The following LPGAT1 variants were observed in gnomAD, a reference collection of about 807,000 sequenced individuals.
LPGAT1 encodes acyl-CoA:lysophosphatidylglycerol acyltransferase 1.
LPGAT1 carries 11 observed loss-of-function variants against 47.5 expected under a neutral mutation model. The observed-to-expected ratio is 0.23, with a 90% confidence interval of 0.15 to 0.38. LPGAT1 has a LOEUF of 0.38. LPGAT1 is among the 10% of genes least tolerant of loss of function. The pLI, the probability that LPGAT1 is intolerant of heterozygous loss-of-function variation, is 1.00. For synonymous variants in LPGAT1, 138 were observed against 144.2 expected (o/e 0.96, Z 0.31); for missense variants, 293 against 439.0 (o/e 0.67, Z 2.97).
At chr1:211,775,474 C>T (rs768497639) in intron 6 of LPGAT1, among the ~76,000 whole-genome samples, 17 of 152,120 alleles carry the variant, frequency 1.1e-4, no homozygotes, top group Non-Finnish European at 2.4e-4. Flanking sequence ...TCAGCAGACA[C>T]CAAGATGTAC....
rs1431001118 is a variant in LPGAT1, at chr1:211,830,353, G to C, written c.-28+220C>G. ...TGCCTGCGGACAGAGGGACGGCGGG[G>C]ACTCAGAGGCCGGACCTGTCACCCG... is the stretch of plus-strand genomic sequence containing the variant. On this transcript the variant is annotated intron_variant, in intron 1 of 7. Coordinates refer to ENST00000366997, the MANE Select transcript of LPGAT1 (RefSeq NM_014873.3). The surrounding 1 kb of genome is among the most constrained non-coding windows in gnomAD (Gnocchi z 5.9). 1.9e-5 allele frequency: 22 copies of C among 1,152,420 alleles called. No homozygotes were observed. Among genetic ancestry groups the C allele is most frequent in the Non-Finnish European group, 2.3e-5 (22 of 937,288 alleles). The allele number at this position is 1,152,420 out of a possible 1,614,324, so 71.4% of individuals were successfully genotyped here.
chr1:211,778,773 A>G, intron 6 of LPGAT1, 145 bp downstream of exon 6: 1 of 575,632 alleles, frequency 1.7e-6, no homozygotes, highest in Non-Finnish European at 2.8e-6. Context: ...ACTTCAAATG[A>G]TATTTTAATA....
chr1:211,819,814 G>A (rs934057753), intron 2 of LPGAT1, among the ~76,000 whole-genome samples: 4 of 151,994 alleles, frequency 2.6e-5, no homozygotes, highest in African/African-American at 7.3e-5. Context: ...GTGAAACCCC[G>A]ACTCTACTAA....
At chr1:211,782,152 C>T (rs533033979) in intron 5 of LPGAT1, among the ~76,000 whole-genome samples, 1 of 152,228 alleles carries the variant, frequency 6.6e-6, no homozygotes, top group South Asian at 2.1e-4. Flanking sequence ...AGAGCACAAA[C>T]GTTTTTCCAA....
At chr1:211,809,007 C>T (rs1659864977) in intron 2 of LPGAT1, among the ~76,000 whole-genome samples, 4 of 151,192 alleles carry the variant, frequency 2.6e-5, no homozygotes, top group Admixed American at 2.6e-4. Context: ...ACCATCCTGG[C>T]TAACACAGTG....
chr1:211,749,302 C>G lies in LPGAT1; in HGVS notation c.*597G>C, dbSNP rs971394797. 1 of 153,964 alleles carries G rather than the reference C, an allele frequency of 6.5e-6. No individual in the cohort carries two copies. Among genetic ancestry groups the G allele is most frequent in the Non-Finnish European group, 1.4e-5 (1 of 69,148 alleles). The allele number at this position is 153,964 out of a possible 1,614,324, so 9.5% of individuals were successfully genotyped here. On this transcript the variant is annotated 3_prime_UTR_variant, in exon 8 of 8. Coordinates refer to ENST00000366997, the MANE Select transcript of LPGAT1 (RefSeq NM_014873.3). ...GCCTTTGTAAAGAACACATCCAGTA[C>G]CAGAAGGGGTCCAGTGGACACTGCT...
intron 2 of LPGAT1, among the ~76,000 whole-genome samples, chr1:211,827,064 C>T (rs549703924): frequency 6.6e-6 from 1 of 152,218 alleles, no homozygotes; most frequent in Non-Finnish European, 1.5e-5. Context: ...ATTTGTTTGA[C>T]TTCTTGACTA....
intron 2 of LPGAT1, among the ~76,000 whole-genome samples, chr1:211,806,951 A>C (rs1434459710): frequency 6.6e-6 from 1 of 152,228 alleles, no homozygotes; most frequent in Non-Finnish European, 1.5e-5. Flanking sequence ...GTTTAATAAG[A>C]AGAAACAAAA....
chr1:211,760,424 C>A (rs1169066090), intron 6 of LPGAT1, among the ~76,000 whole-genome samples: 1 of 152,316 alleles, frequency 6.6e-6, no homozygotes, highest in South Asian at 2.1e-4. Flanking sequence ...CACTGCACTC[C>A]GGCCTGGGCA....
chr1:211,784,351 G>A (rs1438613645), intron 4 of LPGAT1, among the ~76,000 whole-genome samples: 4 of 151,936 alleles, frequency 2.6e-5, no homozygotes, highest in South Asian at 4.2e-4. Flanking sequence ...AATTAGCTGG[G>A]TGCGATGGCA....
chr1:211,822,643 TG>T lies in LPGAT1; in HGVS notation c.238+6415del, dbSNP rs546320326. The stretch of plus-strand genomic sequence containing the variant: ...CATACAAAAAATTAGCCAGGCATGG[TG>T]GTACATGCCTGTAATCCCAGCTACT... On this transcript the variant is annotated intron_variant, in intron 2 of 7. Transcript: ENST00000366997. Among the ~76,000 whole-genome samples the T allele has an allele frequency of 5.2e-3, 788 of 152,040 alleles. 11 individuals carry two copies. The highest frequency in any genetic ancestry group is 0.01 in the Middle Eastern group (3 of 294).
intron 6 of LPGAT1, among the ~76,000 whole-genome samples, chr1:211,754,119 G>C (rs1374515726): frequency 1.3e-5 from 2 of 152,174 alleles, no homozygotes; most frequent in Non-Finnish European, 2.9e-5. Flanking sequence ...TGTATCTGTT[G>C]TTCCTCAGTC....
chr1:211,751,603 A>G (rs535632218), intron 6 of LPGAT1, among the ~76,000 whole-genome samples: 1 of 152,342 alleles, frequency 6.6e-6, no homozygotes, highest in African/African-American at 2.4e-5. Flanking sequence ...CCAGAACACT[A>G]TTCTCAAGAT....
chr1:211,781,808 G>A (rs11119811), intron 5 of LPGAT1, among the ~76,000 whole-genome samples: 16,805 of 152,152 alleles, frequency 0.11, 1,105 homozygotes, highest in South Asian at 0.21. Flanking sequence ...ATCTTAGATA[G>A]CTTGTTCAAA....
chr1:211,756,870 T>TC (rs1491508436), intron 6 of LPGAT1, among the ~76,000 whole-genome samples: 2 of 146,968 alleles, frequency 1.4e-5, no homozygotes, highest in Non-Finnish European at 1.5e-5. Flanking sequence ...TTTTTTTTTT[T>TC]CTCTCTTTTT....
intron 6 of LPGAT1, among the ~76,000 whole-genome samples, chr1:211,755,040 CAA>C (rs11390656): frequency 3.3e-3 from 246 of 74,496 alleles, no homozygotes; most frequent in African/African-American, 0.01. Context: ...ACTCCGTCTC[CAA>C]AAAAAAAAAA....
chr1:211,785,548 T>C (rs1658841106), intron 4 of LPGAT1, among the ~76,000 whole-genome samples: 1 of 152,038 alleles, frequency 6.6e-6, no homozygotes, highest in Non-Finnish European at 1.5e-5. Context: ...GAAAATATTT[T>C]GGAGTACCTA....
At position 211,811,926 on chromosome 1, in the gene LPGAT1, T is replaced by C. The variant is rs545316869; in HGVS notation, c.238+17133A>G. ...GCATTCATGGTATAATGAAAACACA[T>C]GGGCTTTAGAGCAGCCCTTCACTCA... On this transcript the variant is annotated intron_variant, in intron 2 of 7. Coordinates refer to ENST00000366997, the MANE Select transcript of LPGAT1 (RefSeq NM_014873.3). Among the ~76,000 whole-genome samples, 12 of 152,368 alleles carry C rather than the reference T, an allele frequency of 7.9e-5. No individual in the cohort carries two copies. In the South Asian group the frequency reaches 2.3e-3, roughly 29 times the overall value.
intron 6 of LPGAT1, among the ~76,000 whole-genome samples, chr1:211,768,549 C>T (rs913104472): frequency 6.6e-6 from 1 of 152,108 alleles, no homozygotes; most frequent in African/African-American, 2.4e-5. Context: ...GCCAAATGTC[C>T]AATTAAATTA....
Sources: gnomAD v4.1 joint callset for allele counts (sites outside exome capture counted in the v4.1 genomes callset) on GRCh38, gnomAD v4.1.1 for gene constraint, Gnocchi (gnomAD v3.1) non-coding constraint, MANE v1.5 for transcripts, NCBI Gene and HGNC (gene_info 2026-07-23, HGNC 2026-07-21) for gene names.